The following PTPN5 variants were observed in gnomAD, a reference collection of about 807,000 sequenced individuals.
PTPN5 encodes the protein protein tyrosine phosphatase non-receptor type 5.
A neutral mutation model predicts 73.9 loss-of-function variants in PTPN5; 29 were observed. The ratio of observed to expected loss-of-function variants is 0.39; its 90% confidence interval spans 0.29 to 0.54. The LOEUF is 0.54. PTPN5 is among the 20% of genes least tolerant of loss of function. PTPN5 has a pLI of 0.65. For synonymous variants in PTPN5, 267 were observed against 304.7 expected (o/e 0.88, Z 1.29); for missense variants, 652 against 751.4 (o/e 0.87, Z 1.55).
chr11:18,741,880 C>A (rs1477002777), intron 7 of PTPN5, among the ~76,000 whole-genome samples: 2 of 151,910 alleles, frequency 1.3e-5, no homozygotes, highest in African/African-American at 4.8e-5. Flanking sequence ...AAAAGTAAAA[C>A]AAAAAAATAG....
At chr11:18,768,082 C>A (rs185451934) in intron 2 of PTPN5, among the ~76,000 whole-genome samples, 1 of 152,208 alleles carries the variant, frequency 6.6e-6, no homozygotes, top group Non-Finnish European at 1.5e-5. Flanking sequence ...TTCAAAGCCT[C>A]GCACAGTGCC....
chr11:18,777,844 C>T (rs1365767187), intron 1 of PTPN5, among the ~76,000 whole-genome samples: 3 of 152,124 alleles, frequency 2.0e-5, no homozygotes, highest in Non-Finnish European at 4.4e-5. Flanking sequence ...ACTCAGCACG[C>T]TGAGGCAGGA....
At chr11:18,781,403 T>C (rs1851425255) in intron 1 of PTPN5, among the ~76,000 whole-genome samples, 1 of 145,606 alleles carries the variant, frequency 6.9e-6, no homozygotes, top group African/African-American at 2.5e-5. Context: ...CACTGCAGCC[T>C]CCGCCTCCCG....
At chr11:18,786,115 G>A (rs1205039588) in intron 1 of PTPN5, among the ~76,000 whole-genome samples, 1 of 152,140 alleles carries the variant, frequency 6.6e-6, no homozygotes, top group African/African-American at 2.4e-5. Context: ...ACTGAGTTTT[G>A]CCAGACACCG....
At chr11:18,741,495 A>C (rs971873189) in intron 7 of PTPN5, among the ~76,000 whole-genome samples, 1 of 152,194 alleles carries the variant, frequency 6.6e-6, no homozygotes, top group African/African-American at 2.4e-5. Flanking sequence ...TGAAATAAAA[A>C]GCTAGGTTTC....
chr11:18,743,858 C>T, intron 4 of PTPN5, 148 bp downstream of exon 4: 1 of 914,162 alleles, frequency 1.1e-6, no homozygotes, highest in Non-Finnish European at 1.6e-6. Flanking sequence ...TCCCCTTATC[C>T]CAGCCTTGAG....
intron 1 of PTPN5, among the ~76,000 whole-genome samples, chr11:18,774,385 G>C (rs1214469770): frequency 1.3e-5 from 2 of 152,224 alleles, no homozygotes; most frequent in Non-Finnish European, 2.9e-5. Flanking sequence ...CTTTGGACAA[G>C]AGAGGCATCC....
intron 1 of PTPN5, among the ~76,000 whole-genome samples, chr11:18,785,539 TCA>T (rs1851629973): frequency 6.6e-6 from 1 of 152,244 alleles, no homozygotes; most frequent in South Asian, 2.1e-4. Context: ...ATGGTTATTT[TCA>T]CAACTGTAAT....
chr11:18,775,827 G>C (rs959294984), intron 1 of PTPN5, among the ~76,000 whole-genome samples: 1 of 152,140 alleles, frequency 6.6e-6, no homozygotes, highest in Non-Finnish European at 1.5e-5. Flanking sequence ...AGGCCTGTCA[G>C]GTTTAACGAG....
chr11:18,742,534 G>C lies in PTPN5; in HGVS notation c.484-31C>G. ...TGGGGTGTACAGCATCACAGATTTC[G>C]GACCACGCTGGCTGCCCCCCGTGTT... On this transcript the variant is annotated intron_variant, in intron 6 of 14. Transcript: ENST00000358540. The surrounding 1 kb of genome is among the most constrained non-coding windows in gnomAD (Gnocchi z 4.1). 6.2e-7 allele frequency: 1 copy of C among 1,606,718 alleles called. No individual in the cohort carries two copies. The highest frequency in any genetic ancestry group is 8.5e-7 in the Non-Finnish European group (1 of 1,177,932).
intron 3 of PTPN5, among the ~76,000 whole-genome samples, chr11:18,750,177 C>T (rs956925155): frequency 6.6e-6 from 1 of 152,184 alleles, no homozygotes; most frequent in Non-Finnish European, 1.5e-5. Context: ...GTGCTGGGTG[C>T]GGTTCCAAGT....
At chr11:18,738,800 C>T (rs1018101818) in intron 8 of PTPN5, among the ~76,000 whole-genome samples, 3 of 151,964 alleles carry the variant, frequency 2.0e-5, no homozygotes, top group Admixed American at 6.6e-5. Context: ...GTTGAAACCC[C>T]ATCTCTAATA....
At chr11:18,783,002 G>A (rs1017602616) in intron 1 of PTPN5, among the ~76,000 whole-genome samples, 2 of 152,214 alleles carry the variant, frequency 1.3e-5, no homozygotes, top group South Asian at 4.1e-4. Context: ...GCTCTGTGGT[G>A]GTGGGAGTAT....
chr11:18,779,924 G>A (rs562313780), intron 1 of PTPN5, among the ~76,000 whole-genome samples: 1 of 152,306 alleles, frequency 6.6e-6, no homozygotes, highest in South Asian at 2.1e-4. Context: ...TGGCACCGAT[G>A]AGAGCTGCAG....
intron 2 of PTPN5, among the ~76,000 whole-genome samples, chr11:18,767,537 C>T (rs1850693997): frequency 6.6e-6 from 1 of 152,200 alleles, no homozygotes. Context: ...TGGTTGCTGG[C>T]ATCCACTCGG....
At chr11:18,739,574 C>T (rs1381880800) in intron 8 of PTPN5, among the ~76,000 whole-genome samples, 1 of 152,180 alleles carries the variant, frequency 6.6e-6, no homozygotes, top group Non-Finnish European at 1.5e-5. Context: ...GAACTTGGAG[C>T]AGCAGATCAG....
At chr11:18,743,457 T>C (rs1243452255) in intron 4 of PTPN5, 28 bp from the exon 5 acceptor site, 4 of 1,598,592 alleles carry the variant, frequency 2.5e-6, no homozygotes, top group Admixed American at 3.3e-5. Context: ...AGGCTGAGTA[T>C]GGAGCCGGCC....
intron 1 of PTPN5, among the ~76,000 whole-genome samples, chr11:18,777,093 G>A (rs764939418): frequency 3.9e-5 from 6 of 152,152 alleles, no homozygotes; most frequent in South Asian, 2.1e-4. Flanking sequence ...CCAGAGAGGC[G>A]GAAGTTGCAG....
chr11:18,756,688 C>T (rs1466980609), intron 3 of PTPN5, among the ~76,000 whole-genome samples: 9 of 151,610 alleles, frequency 5.9e-5, no homozygotes, highest in African/African-American at 1.7e-4. Flanking sequence ...TTTGGGAGGC[C>T]GAGGCGGGCG....
Sources: allele counts gnomAD v4.1 joint callset (sites outside exome capture counted in the v4.1 genomes callset), GRCh38; gene constraint gnomAD v4.1.1; non-coding constraint Gnocchi (gnomAD v3.1); transcripts MANE v1.5; gene names NCBI Gene and HGNC (gene_info 2026-07-23, HGNC 2026-07-21).